The following ZNF226 variants were observed in gnomAD, a reference collection of about 807,000 sequenced individuals.
ZNF226 encodes the protein Kruppel-associated box protein.
ZNF226 carries 6 observed loss-of-function variants against 11.4 expected under a neutral mutation model. That is an observed-to-expected ratio of 0.53 (90% CI 0.29 to 1.04). The LOEUF is 1.04. ZNF226 is among the 50% of genes least tolerant of loss of function. The pLI, the probability that ZNF226 is intolerant of heterozygous loss-of-function variation, is 0.08. For missense variants in ZNF226, 1,058 were observed against 956.5 expected (o/e 1.11, Z -1.40); for synonymous variants, 350 against 322.8 (o/e 1.08, Z -0.90).
At position 44,175,510 on chromosome 19, in the gene ZNF226, A is replaced by T; in HGVS notation, c.248A>T (p.Gln83Leu). The change falls in exon 6 of 6, where the codon CAA becomes CTA. Residue 83 changes from glutamine to leucine, a missense_variant. Coordinates refer to ENST00000337433, the MANE Select transcript of ZNF226 (RefSeq NM_001032373.2). The part of the protein sequence containing the change: ...RRQGNLGEKN[Q>L]SKLITVQDRE... ...TTTGTCCTTACAGGAGAGAAAAATCAAAGTAAGTTAATTACTGTTCAAGAC... is the reference window on the plus strand; with the variant it reads ...TTTGTCCTTACAGGAGAGAAAAATCTAAGTAAGTTAATTACTGTTCAAGAC... 2.5e-6 allele frequency: 4 copies of T among 1,584,024 alleles called. No individual in the cohort carries two copies. Among genetic ancestry groups the T allele is most frequent in the Non-Finnish European group, 3.4e-6 (4 of 1,169,324 alleles).
chr19:44,177,607 C>T lies in ZNF226; in HGVS notation c.2345C>T (p.Ser782Phe). The T allele has an allele frequency of 6.2e-7, 1 of 1,613,638 alleles. No homozygotes were observed. The highest frequency in any genetic ancestry group is 1.3e-5 in the African/African-American group (1 of 74,960). Residue 782 changes from serine (S) to phenylalanine (F), a missense_variant, in exon 6 of 6, where the codon TCC becomes TTC. Coordinates refer to ENST00000337433, the MANE Select transcript of ZNF226 (RefSeq NM_001032373.2). The stretch of plus-strand genomic sequence containing the variant: ...CACAGAATCCATGTTGGTGATAAAT[C>T]CTATAAAAGTAATAGGGGTGGTAAG... ...VHHRIHVGDK[S>F]YKSNRGGKNI...
Position 44,175,993 on chromosome 19 carries a change from T to C in ZNF226, c.731T>C (p.Met244Thr). 1 of 1,613,936 alleles carries C rather than the reference T, an allele frequency of 6.2e-7. No homozygotes were observed. Among genetic ancestry groups the C allele is most frequent in the Non-Finnish European group, 8.5e-7 (1 of 1,179,882 alleles). ...MKILTFDHNS[M>T]IHTGQKSYQC... is the part of the protein sequence containing the mutation. The stretch of plus-strand genomic sequence containing the variant: ...ATTTTGACATTTGATCACAATAGCA[T>C]GATTCACACAGGACAGAAATCGTAC... Residue 244 changes from methionine (M) to threonine (T), a missense_variant, in exon 6 of 6, where the codon ATG (methionine) becomes ACG (threonine). Transcript: ENST00000337433.
At chr19:44,198,063 T>A in the ZNF226 span, among the ~76,000 whole-genome samples, 1 of 152,214 alleles carries the variant, frequency 6.6e-6, no homozygotes, top group Non-Finnish European at 1.5e-5. Context: ...ATATACAATA[T>A]CCTCACTTCT....
chr19:44,193,757 C>T, the ZNF226 span, among the ~76,000 whole-genome samples: 1 of 152,216 alleles, frequency 6.6e-6, no homozygotes, highest in East Asian at 1.9e-4. Flanking sequence ...CCTACAGTTC[C>T]AGTCTCTTAA....
chr19:44,167,299 T>C (rs917466065), intron 2 of ZNF226, among the ~76,000 whole-genome samples: 2 of 149,818 alleles, frequency 1.3e-5, no homozygotes, highest in African/African-American at 4.9e-5. Context: ...TTAATGACTT[T>C]CCTAATTTCT....
intron 5 of ZNF226, 181 bp from the exon 6 acceptor site, chr19:44,175,317 C>T: frequency 2.1e-6 from 3 of 1,406,062 alleles, no homozygotes; most frequent in Non-Finnish European, 2.8e-6. Context: ...TGGACCATCT[C>T]TTGGTTTTGG....
the ZNF226 span, among the ~76,000 whole-genome samples, chr19:44,184,451 G>A: frequency 6.6e-6 from 1 of 152,136 alleles, no homozygotes; most frequent in South Asian, 2.1e-4. Flanking sequence ...GTGGTGGCGG[G>A]CGCCTATAAT....
In ZNF226 at chr19:44,176,153, T is replaced by G. The variant is rs1970656187; in HGVS notation, c.891T>G (p.Val297=). Residue 297 remains valine, a synonymous_variant, in exon 6 of 6, where the codon GTT becomes GTG. Coordinates refer to ENST00000337433, the MANE Select transcript of ZNF226 (RefSeq NM_001032373.2). ...TCTGTTACAGCCCAGTTCTTCCTGT[T>G]CATCAGAAAGTACATGTGGGAGAAA... ...KGFCYSPVLP[V]HQKVHVGEKL... 1.2e-6 allele frequency: 2 copies of G among 1,614,168 alleles called. No individual in the cohort carries two copies. The highest frequency in any genetic ancestry group is 2.7e-5 in the African/African-American group (2 of 75,042).
the ZNF226 span, among the ~76,000 whole-genome samples, chr19:44,189,040 G>A: frequency 6.6e-6 from 1 of 152,172 alleles, no homozygotes; most frequent in Admixed American, 6.5e-5. Context: ...GTAAGGTCAT[G>A]ACATTTGAGC....
chr19:44,172,250 C>G, intron 4 of ZNF226, 36 bp downstream of exon 4: 2 of 1,593,038 alleles, frequency 1.3e-6, no homozygotes, highest in East Asian at 2.3e-5. Context: ...TCTTTGTGCC[C>G]TTGGAGTTTT....
At chr19:44,196,048 T>C in the ZNF226 span, among the ~76,000 whole-genome samples, 8 of 152,118 alleles carry the variant, frequency 5.3e-5, 1 homozygote, top group South Asian at 4.1e-4. Context: ...TTTTTTTTTT[T>C]CCCAGAAGGA....
downstream of ZNF226, chr19:44,178,394 A>T (rs1021507514): frequency 2.0e-5 from 3 of 152,200 alleles, no homozygotes; most frequent in Non-Finnish European, 2.9e-5. Flanking sequence ...AGAGTTGCTA[A>T]TGACACATTT....
At chr19:44,169,929 T>C (rs1160269836) in intron 2 of ZNF226, 106 bp from the exon 3 acceptor site, 1 of 617,798 alleles carries the variant, frequency 1.6e-6, no homozygotes, top group Non-Finnish European at 2.6e-6. Context: ...CACATAAAGC[T>C]GCAGCCACCC....
rs1035754478 is a variant in ZNF226, at chr19:44,165,116, A to G, written c.-124A>G. 110 of 152,338 alleles carry G rather than the reference A, an allele frequency of 7.2e-4. No individual in the cohort carries two copies. The highest frequency in any genetic ancestry group is 2.6e-3 in the African/African-American group (108 of 41,572). The allele number at this position is 152,338 out of a possible 1,614,324, so 9.4% of individuals were successfully genotyped here. On this transcript the variant is annotated 5_prime_UTR_variant, in exon 1 of 6. Transcript: ENST00000337433. ...CGCCCAGGAAGACGACGTAGCAGCC[A>G]TCTTTTCCCTGGCTTTGGTGATTCA...
intron 5 of ZNF226, 34 bp downstream of exon 5, chr19:44,172,986 A>G (rs1359404216): frequency 6.5e-6 from 10 of 1,547,412 alleles, no homozygotes; most frequent in Non-Finnish European, 8.8e-6. Context: ...TCTTATAGTT[A>G]ACTGTCCATC....
chr19:44,176,708 A>G lies in ZNF226; in HGVS notation c.1446A>G (p.Lys482=). 1 of 1,613,742 alleles carries G rather than the reference A, an allele frequency of 6.2e-7. No individual in the cohort carries two copies. The highest frequency in any genetic ancestry group is 1.3e-5 in the African/African-American group (1 of 74,872). ...CATACATATGTACTGTATGTGGGAA[A>G]GGCTTTACTCTGAGTTCAAATCTTC... ...EKSYICTVCG[K]GFTLSSNLQA... The change falls in exon 6 of 6, where the codon AAA becomes AAG. Residue 482 remains lysine, a synonymous_variant. Transcript: ENST00000337433.
At chr19:44,172,818 C>G (rs571897887) in intron 4 of ZNF226, 42 bp from the exon 5 acceptor site, 3 of 1,513,190 alleles carry the variant, frequency 2.0e-6, no homozygotes, top group South Asian at 1.2e-5. Context: ...TATTTTAACT[C>G]TAATATGTTC....
chr19:44,185,898 C>T, the ZNF226 span, among the ~76,000 whole-genome samples: 3 of 152,192 alleles, frequency 2.0e-5, no homozygotes, highest in Admixed American at 1.3e-4. Flanking sequence ...TTAGGTCTTA[C>T]ATTTAGGCCT....
At chr19:44,169,113 A>G (rs183221085) in intron 2 of ZNF226, among the ~76,000 whole-genome samples, 1 of 150,284 alleles carries the variant, frequency 6.7e-6, no homozygotes, top group Admixed American at 6.7e-5. Context: ...GGTTCAAACA[A>G]TTCTTGTGCC....
Sources: allele counts gnomAD v4.1 joint callset (sites outside exome capture counted in the v4.1 genomes callset), GRCh38; gene constraint gnomAD v4.1.1; transcripts MANE v1.5; gene names NCBI Gene and HGNC (gene_info 2026-07-23, HGNC 2026-07-21).